NHS: variants seen among roughly 807,000 people sequenced by gnomAD.
NHS encodes the protein NHS actin remodeling regulator.
NHS carries 5 observed loss-of-function variants against 72.5 expected under a neutral mutation model. The observed-to-expected ratio is 0.07, with a 90% CI of 0.04 to 0.14. The LOEUF is 0.14. NHS is among the 10% of genes least tolerant of loss of function. The pLI is 1.00. For synonymous variants in NHS, 464 were observed against 547.7 expected, an observed-to-expected ratio of 0.85 and a Z score of 2.13; for missense variants, 1,072 against 1,355.7, an observed-to-expected ratio of 0.79 and a Z score of 3.29.
intron 1 of NHS, among the ~76,000 whole-genome samples, chrX:17,624,589 A>G (rs2065788778): frequency 8.8e-6 from 1 of 113,337 alleles, no homozygotes; most frequent in East Asian, 2.8e-4. Flanking sequence ...ACTCAACATT[A>G]TATCTGAGAT....
chrX:17,612,711 A>G (rs1010557005), intron 1 of NHS, among the ~76,000 whole-genome samples: 3 of 111,663 alleles, frequency 2.7e-5, no homozygotes, highest in African/African-American at 9.8e-5. Flanking sequence ...TGGATCTTCC[A>G]TCTGGTCCAC....
At chrX:17,701,776 T>C (rs1455642383) in intron 3 of NHS, among the ~76,000 whole-genome samples, 1 of 111,172 alleles carries the variant, frequency 9.0e-6, no homozygotes, top group Non-Finnish European at 1.9e-5. Flanking sequence ...AGTTCAGCTG[T>C]GTGCAGTTGC....
In NHS at chrX:17,735,909, AC is replaced by A. The variant is rs959262492; in HGVS notation, c.*3449del. On this transcript the variant is annotated 3_prime_UTR_variant, in exon 9 of 9. Coordinates refer to ENST00000676302, the MANE Select transcript of NHS (RefSeq NM_001291867.2). Reference sequence around the variant, plus strand: ...AAAAATGGTGACAGTTTCATTGTGAACCCCTCTCAAAAAAAATGTATCAGAA... The same window carrying A: ...AAAAATGGTGACAGTTTCATTGTGAACCCTCTCAAAAAAAATGTATCAGAA... 2 of 112,024 alleles carry A rather than the reference AC, an allele frequency of 1.8e-5. No individual in the cohort carries two copies. Among genetic ancestry groups the A allele is most frequent in the African/African-American group, 6.5e-5 (2 of 30,609 alleles). The allele number at this position is 112,024 out of a possible 1,213,427, so 9.2% of individuals were successfully genotyped here. A position where few individuals can be genotyped will look rare whatever the true frequency, so the allele number is the denominator to read the frequency against.
intron 3 of NHS, among the ~76,000 whole-genome samples, chrX:17,707,507 A>G (rs995832872): frequency 8.9e-6 from 1 of 111,991 alleles, no homozygotes; most frequent in Admixed American, 9.5e-5. Context: ...GGACATTCCA[A>G]CTGCCTTATT....
intron 1 of NHS, among the ~76,000 whole-genome samples, chrX:17,564,076 A>T (rs1367907795): frequency 1.8e-5 from 2 of 111,844 alleles, no homozygotes; most frequent in Non-Finnish European, 3.8e-5. Context: ...ATAGTCAGAA[A>T]ACTTACAGAA....
chrX:17,612,617 T>C (rs1476048743), intron 1 of NHS, among the ~76,000 whole-genome samples: 2 of 111,978 alleles, frequency 1.8e-5, no homozygotes, highest in African/African-American at 6.5e-5. Flanking sequence ...AGGTAATTAT[T>C]ATCCTCATTT....
intron 1 of NHS, among the ~76,000 whole-genome samples, chrX:17,403,001 G>A (rs919762239): frequency 3.6e-5 from 4 of 112,091 alleles, no homozygotes; most frequent in African/African-American, 1.3e-4. Context: ...TCATACAGTT[G>A]TCTGATCTTG....
At chrX:17,657,613 T>C (rs2065963160) in intron 1 of NHS, among the ~76,000 whole-genome samples, 1 of 112,309 alleles carries the variant, frequency 8.9e-6, no homozygotes, top group South Asian at 3.7e-4. Flanking sequence ...TGCTGGTCCA[T>C]GTGAGAAGGG....
At chrX:17,691,937 T>C (rs1283279434) in intron 2 of NHS, among the ~76,000 whole-genome samples, 1 of 112,021 alleles carries the variant, frequency 8.9e-6, no homozygotes, top group Non-Finnish European at 1.9e-5. Flanking sequence ...CCAGCTCCCG[T>C]ACCCAGTGGG....
At chrX:17,641,004 T>G (rs2065878052) in intron 1 of NHS, among the ~76,000 whole-genome samples, 1 of 112,541 alleles carries the variant, frequency 8.9e-6, no homozygotes, top group Non-Finnish European at 1.9e-5. Context: ...TTAAGATAAT[T>G]GTGTGTTGAG....
At chrX:17,449,679 G>T (rs1335287631) in intron 1 of NHS, among the ~76,000 whole-genome samples, 1 of 112,102 alleles carries the variant, frequency 8.9e-6, no homozygotes, top group Non-Finnish European at 1.9e-5. Context: ...CAGGGGAGAG[G>T]AATAGATATA....
intron 1 of NHS, chrX:17,635,436 C>G: frequency 2.6e-6 from 3 of 1,163,908 alleles, no homozygotes; most frequent in Non-Finnish European, 3.4e-6. Context: ...GAAGGTTGCC[C>G]TCTCTCGCCC....
chrX:17,491,525 T>C (rs1197315542), intron 1 of NHS, among the ~76,000 whole-genome samples: 2 of 111,807 alleles, frequency 1.8e-5, no homozygotes, highest in African/African-American at 6.5e-5. Context: ...GGTTTGCCAG[T>C]ATTTTATTGA....
chrX:17,719,065 A>G (rs1207279477), intron 3 of NHS, among the ~76,000 whole-genome samples: 2 of 96,778 alleles, frequency 2.1e-5, no homozygotes, highest in Admixed American at 1.1e-4. Flanking sequence ...AAGGGAAGGA[A>G]GAAGGGAGGA....
chrX:17,710,767 AT>A (rs1318427659), intron 3 of NHS, among the ~76,000 whole-genome samples: 1 of 107,901 alleles, frequency 9.3e-6, no homozygotes, highest in African/African-American at 3.5e-5. Context: ...CTCAAAACAA[AT>A]AAAAAGGGGA....
intron 1 of NHS, among the ~76,000 whole-genome samples, chrX:17,525,499 G>A (rs2065168129): frequency 9.0e-6 from 1 of 111,646 alleles, no homozygotes; most frequent in Non-Finnish European, 1.9e-5. Context: ...AGCAGTGAAT[G>A]GCATTGCTTG....
intron 1 of NHS, among the ~76,000 whole-genome samples, chrX:17,647,053 T>G (rs1267427789): frequency 3.6e-5 from 4 of 112,167 alleles, no homozygotes; most frequent in Admixed American, 9.5e-5. Flanking sequence ...AATGATTTTT[T>G]TGTGTGTGTT....
At chrX:17,402,310 A>G (rs940303407) in intron 1 of NHS, among the ~76,000 whole-genome samples, 5 of 112,038 alleles carry the variant, frequency 4.5e-5, no homozygotes, top group African/African-American at 1.6e-4. Flanking sequence ...TCCTAAATAT[A>G]TATACAAGAG....
chrX:17,429,177 A>G (rs745357954), intron 1 of NHS, among the ~76,000 whole-genome samples: 2 of 110,585 alleles, frequency 1.8e-5, no homozygotes, highest in Non-Finnish European at 3.8e-5. Flanking sequence ...AGAAAGGATA[A>G]TGAAGTCTGC....
Sources: allele counts gnomAD v4.1 joint callset (sites outside exome capture counted in the v4.1 genomes callset), GRCh38; gene constraint gnomAD v4.1.1; transcripts MANE v1.5; gene names NCBI Gene and HGNC (gene_info 2026-07-23, HGNC 2026-07-21).